Variants in BRPF3 observed in about 807,000 individuals in gnomAD.
BRPF3 encodes bromodomain and PHD finger-containing protein 3.
BRPF3 carries 18 observed loss-of-function variants against 102.0 expected under a neutral mutation model. The observed-to-expected ratio is 0.18, with a 90% CI of 0.12 to 0.26. The LOEUF is 0.26. Ranked by LOEUF, BRPF3 falls within the 10% of genes least tolerant of loss-of-function variation. The pLI is 1.00. For synonymous variants in BRPF3, 570 were observed against 614.2 expected (o/e 0.93, Z 1.06); for missense variants, 1,147 against 1,567.8 (o/e 0.73, Z 4.53).
At chr6:36,220,039 G>A (rs1345746274) in intron 9 of BRPF3, among the ~76,000 whole-genome samples, 2 of 152,188 alleles carry the variant, frequency 1.3e-5, no homozygotes, top group African/African-American at 2.4e-5. Flanking sequence ...TATCTTCTAA[G>A]GTGTCTGTTC....
chr6:36,204,882 G>T (rs1767850677), intron 3 of BRPF3, 68 bp downstream of exon 3: 4 of 1,573,010 alleles, frequency 2.5e-6, no homozygotes, highest in Non-Finnish European at 3.5e-6. Flanking sequence ...ATGATGGTTG[G>T]GGTGGGGCTG....
chr6:36,200,201 A>T lies in BRPF3; in HGVS notation c.-26-96A>T. ...AGGGGCAAGTTGTTCAGACAGAGGG[A>T]AAAGCCAGTCCTCTTGGTGGATGCT... is the stretch of plus-strand genomic sequence containing the variant. On this transcript the variant is annotated intron_variant, in intron 1 of 12. Coordinates refer to ENST00000357641, the MANE Select transcript of BRPF3 (RefSeq NM_015695.3). This position sits in a 1 kb window ranked among gnomAD's most constrained non-coding sequence, Gnocchi z 5.3. 1.4e-6 allele frequency: 2 copies of T among 1,399,456 alleles called. No individual in the cohort carries two copies. The highest frequency in any genetic ancestry group is 1.9e-6 in the Non-Finnish European group (2 of 1,067,468). 86.7% of individuals were successfully genotyped at this position (1,399,456 alleles called of 1,614,324 possible).
In BRPF3 at chr6:36,210,074, C is replaced by A; in HGVS notation, c.1867-142C>A. 1 of 1,388,966 alleles carries A rather than the reference C, an allele frequency of 7.2e-7. No homozygotes were observed. Among genetic ancestry groups the A allele is most frequent in the South Asian group, 1.3e-5 (1 of 79,482 alleles). The allele number at this position is 1,388,966 out of a possible 1,614,324, so 86.0% of individuals were successfully genotyped here. A position where few individuals can be genotyped will look rare whatever the true frequency, so the allele number is the denominator to read the frequency against. ...TTGCCCTTGATGAGGGGTCAGCAGG[C>A]CAGGGTGGGCCAGGACTGTAGGTCT... is the stretch of plus-strand genomic sequence containing the variant. On this transcript the variant is annotated intron_variant, in intron 5 of 12. Coordinates refer to ENST00000357641, the MANE Select transcript of BRPF3 (RefSeq NM_015695.3). The surrounding 1 kb of genome is among the most constrained non-coding windows in gnomAD (Gnocchi z 4.7).
chr6:36,211,787 A>G (rs575331547), intron 7 of BRPF3, among the ~76,000 whole-genome samples: 48 of 152,306 alleles, frequency 3.2e-4, no homozygotes, highest in African/African-American at 9.4e-4. Flanking sequence ...GTTGGCTGTT[A>G]TATTGGAGTG....
rs781235767 is a variant in BRPF3, at chr6:36,207,359, A to G, written c.1652A>G (p.Tyr551Cys). Residue 551 changes from tyrosine (Y) to cysteine (C), a missense_variant, in exon 4 of 13, where the codon TAT becomes TGT. Tyr to Cys is a radical substitution (Grantham distance 194). Around this residue, in one of 11 missense-constraint regions of BRPF3, gnomAD observed 23 missense variants for 54.4 expected, o/e 0.42. Transcript: ENST00000357641. ...AGTGCAGTGAAGGAGGAGCTGAAGTATTGGCAGAAGCTCCGGCATGACTTG... is the reference window on the plus strand; with the variant it reads ...AGTGCAGTGAAGGAGGAGCTGAAGTGTTGGCAGAAGCTCCGGCATGACTTG... ...KTSAVKEELK[Y>C]WQKLRHDLER... 6 of 1,614,010 alleles carry G rather than the reference A, an allele frequency of 3.7e-6. No individual in the cohort carries two copies. Among genetic ancestry groups the G allele is most frequent in the Admixed American group, 1.7e-5 (1 of 60,002 alleles).
At chr6:36,204,891 T>C (rs1030187454) in intron 3 of BRPF3, 77 bp downstream of exon 3, 21 of 1,549,352 alleles carry the variant, frequency 1.4e-5, no homozygotes, top group Non-Finnish European at 1.8e-5. Flanking sequence ...GGGGTGGGGC[T>C]GGCACCCCTT....
intron 7 of BRPF3, among the ~76,000 whole-genome samples, chr6:36,213,620 T>G (rs1462758130): frequency 6.6e-6 from 1 of 152,020 alleles, no homozygotes. Flanking sequence ...GGATAATCAC[T>G]TGAGCCCAGG....
At chr6:36,197,897 C>G (rs1767562388) in intron 1 of BRPF3, among the ~76,000 whole-genome samples, 1 of 152,032 alleles carries the variant, frequency 6.6e-6, no homozygotes, top group African/African-American at 2.4e-5. Context: ...GATGCTTGAG[C>G]AGCCGAGGAG....
chr6:36,222,181 C>G lies in BRPF3; in HGVS notation c.3097C>G (p.Pro1033Ala). 1 of 1,550,332 alleles carries G rather than the reference C, an allele frequency of 6.5e-7. No individual in the cohort carries two copies. Among genetic ancestry groups the G allele is most frequent in the Non-Finnish European group, 8.7e-7 (1 of 1,147,086 alleles). The change falls in exon 10 of 13, where the codon CCC becomes GCC. Residue 1033 changes from proline (P) to alanine (A), a missense_variant. By Grantham distance (27) the Pro-to-Ala change is conservative. Coordinates refer to ENST00000357641, the MANE Select transcript of BRPF3 (RefSeq NM_015695.3). ...CTCTGTGTGCAGTGGTCTGACGCCC[C>G]CCAAACGCAGCCGTGGGAAGCCAGC... ...AFEACSGLTP[P>A]KRSRGKPALS...
Position 36,230,671 on chromosome 6 carries a change from C to T in BRPF3, c.*62C>T. Reference sequence around the variant, plus strand: ...CATCCCGCAGGGCACAGAGAAGCCTCTTCTGCCCCTGCCAGATGTATGGCC... The same window carrying T: ...CATCCCGCAGGGCACAGAGAAGCCTTTTCTGCCCCTGCCAGATGTATGGCC... On this transcript the variant is annotated 3_prime_UTR_variant, in exon 13 of 13. Transcript: ENST00000357641. The surrounding 1 kb of genome is among the most constrained non-coding windows in gnomAD (Gnocchi z 5.4). The T allele has an allele frequency of 6.5e-7, 1 of 1,548,334 alleles. No individual in the cohort carries two copies. Among genetic ancestry groups the T allele is most frequent in the Non-Finnish European group, 8.8e-7 (1 of 1,140,712 alleles).
chr6:36,210,345 A>G lies in BRPF3; in HGVS notation c.1996A>G (p.Met666Val). Residue 666 changes from methionine (M) to valine (V), a missense_variant, in exon 6 of 13, where the codon ATG becomes GTG. Physicochemically the swap from Met to Val is conservative, Grantham distance 21. Transcript: ENST00000357641. The surrounding 1 kb of genome is among the most constrained non-coding windows in gnomAD (Gnocchi z 4.7). ...CTTTAACCTTATAGTTACCAACTGC[A>G]TGAAGTATAATGCTAAAGACACAAT... ...EDFNLIVTNCMKYNAKDTIFH... is the reference protein window; with the variant it reads ...EDFNLIVTNCVKYNAKDTIFH... 6.2e-7 allele frequency: 1 copy of G among 1,614,242 alleles called. No individual in the cohort carries two copies. The highest frequency in any genetic ancestry group is 8.5e-7 in the Non-Finnish European group (1 of 1,180,046).
At chr6:36,224,578 CAGTT>C (rs1768668691) in intron 10 of BRPF3, among the ~76,000 whole-genome samples, 1 of 152,202 alleles carries the variant, frequency 6.6e-6, no homozygotes, top group South Asian at 2.1e-4. Context: ...GAAAATAACT[CAGTT>C]AGCAAGTAAT....
At chr6:36,219,662 G>T (rs777653056) in intron 9 of BRPF3, among the ~76,000 whole-genome samples, 1 of 152,174 alleles carries the variant, frequency 6.6e-6, no homozygotes, top group African/African-American at 2.4e-5. Flanking sequence ...TTTATCTGGG[G>T]CCCCTTGGAG....
intron 1 of BRPF3, among the ~76,000 whole-genome samples, chr6:36,199,551 G>C (rs1372017699): frequency 6.6e-6 from 1 of 152,176 alleles, no homozygotes; most frequent in Non-Finnish European, 1.5e-5. Flanking sequence ...TTCTGATCGT[G>C]GTAAGAGGTA....
At position 36,224,311 on chromosome 6, in the gene BRPF3, C is replaced by G. The variant is rs186484199; in HGVS notation, c.3182-956C>G. 1.7e-4 allele frequency among the ~76,000 whole-genome samples: 26 copies of G among 152,278 alleles called. No homozygotes were observed. The East Asian group carries it at 4.8e-3, about 28-fold the overall frequency. On this transcript the variant is annotated intron_variant, in intron 10 of 12. Coordinates refer to ENST00000357641, the MANE Select transcript of BRPF3 (RefSeq NM_015695.3). ...TTTTTCCTTGGTTGAGTGTGGTCAC[C>G]TGCCCATTCCAGTGTATAGATGTGG...
intron 9 of BRPF3, among the ~76,000 whole-genome samples, chr6:36,219,249 C>G (rs949183297): frequency 6.6e-6 from 1 of 152,106 alleles, no homozygotes; most frequent in African/African-American, 2.4e-5. Flanking sequence ...CTCTGAGATT[C>G]CCCTACCCCC....
intron 11 of BRPF3, among the ~76,000 whole-genome samples, chr6:36,228,314 A>C (rs1768813513): frequency 6.6e-6 from 1 of 152,206 alleles, no homozygotes; most frequent in African/African-American, 2.4e-5. Context: ...TCTCTGAGCC[A>C]GGCAAGGTGG....
chr6:36,198,607 TAAAAG>T (rs1166985635), intron 1 of BRPF3, among the ~76,000 whole-genome samples: 1 of 152,242 alleles, frequency 6.6e-6, no homozygotes. Flanking sequence ...TGAGAAATAT[TAAAAG>T]TAAGAGGGCT....
intron 10 of BRPF3, among the ~76,000 whole-genome samples, chr6:36,222,892 G>A (rs997708413): frequency 6.6e-6 from 1 of 152,172 alleles, no homozygotes; most frequent in Non-Finnish European, 1.5e-5. Flanking sequence ...CTATAGAAGT[G>A]GAATTACTGA....
Sources: allele counts gnomAD v4.1 joint callset (sites outside exome capture counted in the v4.1 genomes callset), GRCh38; gene constraint gnomAD v4.1.1; regional missense constraint gnomAD v4.1.1; non-coding constraint Gnocchi (gnomAD v3.1); transcripts MANE v1.5; gene names NCBI Gene and HGNC (gene_info 2026-07-23, HGNC 2026-07-21).